The following ANKRD36C variants were observed in gnomAD, a reference collection of about 807,000 sequenced individuals.
ANKRD36C encodes ankyrin repeat domain-containing protein 36C.
Under a neutral mutation model 276.4 loss-of-function variants are expected in ANKRD36C, and 61 were observed. That is an observed-to-expected ratio of 0.22 (90% CI 0.18 to 0.27). The LOEUF (loss-of-function observed/expected upper bound fraction) is 0.27. Ranked by LOEUF, ANKRD36C falls within the 10% of genes least tolerant of loss-of-function variation. ANKRD36C has a pLI of 1.00. For synonymous variants in ANKRD36C, 483 were observed against 680.1 expected, an observed-to-expected ratio of 0.71 and a Z score of 4.51; for missense variants, 1,447 against 2,032.3, an observed-to-expected ratio of 0.71 and a Z score of 5.54.
At chr2:95,975,467 A>G (rs1678790430) in intron 6 of ANKRD36C, among the ~76,000 whole-genome samples, 1 of 152,356 alleles carries the variant, frequency 6.6e-6, no homozygotes, top group Middle Eastern at 3.4e-3. Flanking sequence ...CATCAGAAAT[A>G]ATGCTGCATG....
chr2:95,910,337 G>C lies in ANKRD36C; in HGVS notation c.2653+1907C>G, dbSNP rs1676875899. The stretch of plus-strand genomic sequence containing the variant: ...GAGAAGAGAACTTCTTATCTATCTG[G>C]ACAGAACACGACATTAAATCTGTTT... On this transcript the variant is annotated intron_variant, in intron 42 of 66. Transcript: ENST00000456556. 3 of 1,518,376 alleles carry C rather than the reference G, an allele frequency of 2.0e-6. No individual in the cohort carries two copies. In the South Asian group the frequency reaches 3.6e-5, roughly 18 times the overall value. The allele number at this position is 1,518,376 out of a possible 1,614,324, so 94.1% of individuals were successfully genotyped here.
At chr2:95,866,283 T>C (rs1358305598) in intron 60 of ANKRD36C, among the ~76,000 whole-genome samples, 1 of 152,208 alleles carries the variant, frequency 6.6e-6, no homozygotes, top group African/African-American at 2.4e-5. Flanking sequence ...AACAATTAAA[T>C]TGGATTTCAT....
At position 95,896,255 on chromosome 2, in the gene ANKRD36C, A is replaced by G. The variant is rs1676546337; in HGVS notation, c.2755+2890T>C. Reference sequence around the variant, plus strand: ...AGTTTCTTCATCCACTCTTGGCACCAAAGGATAATATATTAGCCTCAATAA... The same window carrying G: ...AGTTTCTTCATCCACTCTTGGCACCGAAGGATAATATATTAGCCTCAATAA... On this transcript the variant is annotated intron_variant, in intron 44 of 66. Transcript: ENST00000456556. Among the ~76,000 whole-genome samples the G allele has an allele frequency of 1.3e-5, 2 of 149,590 alleles. 1 individual carries two copies. Among genetic ancestry groups the G allele is most frequent in the South Asian group, 4.2e-4 (2 of 4,752 alleles).
At chr2:95,974,367 C>T (rs935457659) in intron 6 of ANKRD36C, among the ~76,000 whole-genome samples, 15 of 152,032 alleles carry the variant, frequency 9.9e-5, no homozygotes, top group Non-Finnish European at 2.2e-4. Context: ...TAATAGAATA[C>T]CAGATATACT....
At chr2:95,915,987 A>C (rs1427942076) in exon 38 of ANKRD36C, 8 of 1,550,124 alleles carry the variant, frequency 5.2e-6, no homozygotes, top group Middle Eastern at 2.3e-4. Context: ...TACCTGTCCT[A>C]GATATTTCTC....
At chr2:95,896,276 A>T (rs1035457044) in intron 44 of ANKRD36C, among the ~76,000 whole-genome samples, 5 of 149,900 alleles carry the variant, frequency 3.3e-5, no homozygotes, top group African/African-American at 1.2e-4. Context: ...TATTAGCCTC[A>T]ATAAAAATAT....
At chr2:95,959,288 G>A (rs1218879912) in intron 10 of ANKRD36C, among the ~76,000 whole-genome samples, 1 of 151,932 alleles carries the variant, frequency 6.6e-6, no homozygotes, top group Non-Finnish European at 1.5e-5. Context: ...CTTCCCAAGT[G>A]CTCTGTGGAA....
At chr2:95,979,774 G>GA (rs1046810265) in intron 5 of ANKRD36C, among the ~76,000 whole-genome samples, 3 of 151,540 alleles carry the variant, frequency 2.0e-5, no homozygotes, top group African/African-American at 7.3e-5. Context: ...GCTTTAAAGA[G>GA]AAAAAAAAGG....
intron 22 of ANKRD36C, among the ~76,000 whole-genome samples, chr2:95,936,883 C>T (rs1040932019): frequency 2.0e-5 from 3 of 152,278 alleles, no homozygotes; most frequent in African/African-American, 7.2e-5. Context: ...TGTACAAATT[C>T]CTTCTTCACA....
intron 24 of ANKRD36C, among the ~76,000 whole-genome samples, chr2:95,934,594 G>T (rs1178039936): frequency 2.0e-5 from 3 of 152,244 alleles, no homozygotes; most frequent in Non-Finnish European, 4.4e-5. Context: ...TCACACACCA[G>T]GGCCTGTCAG....
chr2:95,988,191 C>G (rs1415536640), intron 1 of ANKRD36C, among the ~76,000 whole-genome samples: 1 of 149,288 alleles, frequency 6.7e-6, no homozygotes, highest in Non-Finnish European at 1.5e-5. Context: ...CAAAGTAATT[C>G]TTACTTTAAT....
At chr2:95,940,530 G>T (rs1396636500) in intron 20 of ANKRD36C, among the ~76,000 whole-genome samples, 2 of 152,018 alleles carry the variant, frequency 1.3e-5, no homozygotes, top group African/African-American at 4.8e-5. Context: ...ATATCCAAGT[G>T]CATCCCAGTT....
intron 1 of ANKRD36C, among the ~76,000 whole-genome samples, chr2:95,990,639 T>C (rs2259081): frequency 1.3e-5 from 2 of 152,356 alleles, no homozygotes; most frequent in Non-Finnish European, 1.5e-5. Context: ...TTTATAAACA[T>C]AGAAAGAGCT....
chr2:95,892,008 C>T, intron 44 of ANKRD36C, 148 bp from the exon 65 acceptor site: 6 of 1,369,770 alleles, frequency 4.4e-6, no homozygotes, highest in Non-Finnish European at 6.1e-6. Flanking sequence ...AGGACTAGAA[C>T]ATGACAGAAA....
At chr2:95,917,820 T>A (rs751386117) in intron 36 of ANKRD36C, 35 bp downstream of exon 38, 14 of 1,570,040 alleles carry the variant, frequency 8.9e-6, no homozygotes, top group South Asian at 1.2e-5. Context: ...TCTATCTGGA[T>A]TGAACGTGAC....
intron 6 of ANKRD36C, among the ~76,000 whole-genome samples, chr2:95,971,624 T>C (rs1678699640): frequency 6.6e-6 from 1 of 152,054 alleles, no homozygotes; most frequent in Non-Finnish European, 1.5e-5. Context: ...AATTATAGTA[T>C]ATAAAAGTAC....
intron 63 of ANKRD36C, among the ~76,000 whole-genome samples, chr2:95,854,470 G>T (rs1433868891): frequency 2.0e-5 from 3 of 152,122 alleles, no homozygotes; most frequent in South Asian, 4.2e-4. Flanking sequence ...TGGGGATCCA[G>T]TGTCAAACTA....
chr2:95,888,232 C>A lies in ANKRD36C; in HGVS notation c.2960-112G>T, dbSNP rs1676249720. The A allele has an allele frequency of 5.2e-6, 8 of 1,547,178 alleles. No homozygotes were observed. In the South Asian group the frequency reaches 6.9e-5, roughly 13 times the overall value. ...ATCTTCCTGCCTGTATTAGTATAGGCTTTGATGTTTTCTACTTTGTGACTG... is the reference window on the plus strand; with the variant it reads ...ATCTTCCTGCCTGTATTAGTATAGGATTTGATGTTTTCTACTTTGTGACTG... On this transcript the variant is annotated intron_variant, in intron 48 of 66. Coordinates refer to ENST00000456556, the Ensembl canonical transcript of ANKRD36C.
chr2:95,977,574 A>C (rs1678838708), intron 6 of ANKRD36C, among the ~76,000 whole-genome samples: 2 of 152,096 alleles, frequency 1.3e-5, no homozygotes, highest in Admixed American at 1.3e-4. Flanking sequence ...TCGAACTACA[A>C]GCAAACTAAA....
Sources: gnomAD v4.1 joint callset for allele counts (sites outside exome capture counted in the v4.1 genomes callset) on GRCh38, gnomAD v4.1.1 for gene constraint, MANE v1.5 for transcripts, NCBI Gene and HGNC (gene_info 2026-07-23, HGNC 2026-07-21) for gene names.